Variants in MEIS2 observed in about 807,000 individuals in gnomAD.
The protein encoded by MEIS2 is Meis homeobox 2.
A neutral mutation model predicts 58.6 loss-of-function variants in MEIS2; 9 were observed. The observed-to-expected ratio is 0.15, with a 90% confidence interval of 0.09 to 0.27. The LOEUF (loss-of-function observed/expected upper bound fraction) is 0.27, where lower values mean the gene tolerates loss of function less well. MEIS2 is among the 10% of genes least tolerant of loss of function. MEIS2 has a pLI of 1.00. For missense variants in MEIS2, 427 were observed against 635.0 expected, an observed-to-expected ratio of 0.67 and a Z score of 3.52; for synonymous variants, 221 against 228.4, an observed-to-expected ratio of 0.97 and a Z score of 0.29.
At chr15:37,082,306 G>A (rs1359628215) in intron 7 of MEIS2, among the ~76,000 whole-genome samples, 2 of 152,200 alleles carry the variant, frequency 1.3e-5, no homozygotes, top group Admixed American at 6.5e-5. Flanking sequence ...AGCCTCATTA[G>A]ACCATTAAGT....
At chr15:36,949,902 A>G (rs138122226) in intron 9 of MEIS2, among the ~76,000 whole-genome samples, 1 of 152,152 alleles carries the variant, frequency 6.6e-6, no homozygotes, top group Non-Finnish European at 1.5e-5. Context: ...CTGTATCTAC[A>G]TCACCGCTCA....
intron 8 of MEIS2, among the ~76,000 whole-genome samples, chr15:36,994,300 G>C (rs950355641): frequency 6.6e-6 from 1 of 152,006 alleles, no homozygotes; most frequent in Non-Finnish European, 1.5e-5. Flanking sequence ...AGTTATCAAG[G>C]GTTTTCATAC....
At chr15:36,946,158 A>C (rs2058556473) in intron 9 of MEIS2, among the ~76,000 whole-genome samples, 1 of 151,986 alleles carries the variant, frequency 6.6e-6, no homozygotes, top group African/African-American at 2.4e-5. Flanking sequence ...TAATTGTCAA[A>C]GACTTTCCTC....
rs2055791268 is a variant in MEIS2 at position 36,889,915 on chromosome 15, A to G, written c.*2258T>C. Reference sequence around the variant, plus strand: ...TCTCTATTAAGTTAGTTTGTGTCAGAAGCATTATTTCTATGTTTAAACAGC... The same window carrying G: ...TCTCTATTAAGTTAGTTTGTGTCAGGAGCATTATTTCTATGTTTAAACAGC... On this transcript the variant is annotated 3_prime_UTR_variant, in exon 12 of 12. Transcript: ENST00000561208. The G allele has an allele frequency of 6.6e-6, 1 of 152,224 alleles. No homozygotes were observed. 9.4% of individuals were successfully genotyped at this position (152,224 alleles called of 1,614,324 possible). A position where few individuals can be genotyped will look rare whatever the true frequency, so the allele number is the denominator to read the frequency against.
intron 7 of MEIS2, among the ~76,000 whole-genome samples, chr15:37,083,230 G>A (rs1892462558): frequency 6.6e-6 from 1 of 152,174 alleles, no homozygotes; most frequent in Non-Finnish European, 1.5e-5. Context: ...AAGTCACCAT[G>A]TCAGCTGAAT....
At chr15:37,064,612 A>C (rs1889679067) in intron 7 of MEIS2, among the ~76,000 whole-genome samples, 1 of 152,200 alleles carries the variant, frequency 6.6e-6, no homozygotes, top group Admixed American at 6.5e-5. Context: ...ATAATTGAAT[A>C]ATTGGTCAAC....
At chr15:36,918,368 G>A (rs566752559) in intron 9 of MEIS2, among the ~76,000 whole-genome samples, 1 of 152,192 alleles carries the variant, frequency 6.6e-6, no homozygotes, top group East Asian at 1.9e-4. Flanking sequence ...TGTAAAATGA[G>A]AATAAATTAT....
intron 7 of MEIS2, among the ~76,000 whole-genome samples, chr15:37,055,713 A>T (rs1341769266): frequency 6.6e-6 from 1 of 152,178 alleles, no homozygotes; most frequent in African/African-American, 2.4e-5. Context: ...AAGTACGGAA[A>T]GCTCGGCCCT....
chr15:37,095,342 T>G (rs932349012), intron 4 of MEIS2, among the ~76,000 whole-genome samples: 1 of 152,184 alleles, frequency 6.6e-6, no homozygotes, highest in East Asian at 1.9e-4. Flanking sequence ...GCGCTCGGTC[T>G]CCCGTTTCGG....
chr15:36,928,265 C>T (rs72708685), intron 9 of MEIS2, among the ~76,000 whole-genome samples: 16,301 of 152,108 alleles, frequency 0.11, 1,217 homozygotes, highest in Non-Finnish European at 0.14. Context: ...GAAAAATGTA[C>T]AGGGTTTTTC....
At chr15:36,943,242 G>A (rs931048079) in intron 9 of MEIS2, among the ~76,000 whole-genome samples, 5 of 151,992 alleles carry the variant, frequency 3.3e-5, no homozygotes, top group African/African-American at 1.2e-4. Flanking sequence ...TTGTTTCTGT[G>A]TTACTTTGAG....
intron 9 of MEIS2, among the ~76,000 whole-genome samples, chr15:36,902,476 C>A (rs749827342): frequency 4.6e-5 from 7 of 152,192 alleles, no homozygotes; most frequent in Non-Finnish European, 7.3e-5. Context: ...TTCTCTAGAT[C>A]CTTGCTACTT....
chr15:37,047,426 C>T lies in MEIS2; in HGVS notation c.755-10467G>A, dbSNP rs114583429. Among the ~76,000 whole-genome samples, 4 of 152,236 alleles carry T rather than the reference C, an allele frequency of 2.6e-5. No individual in the cohort carries two copies. In the East Asian group the frequency reaches 5.8e-4, roughly 22 times the overall value. Reference sequence around the variant, plus strand: ...GAATGTGCCAGATACCATCATTTCCCTCCTGTGATACAAAGAACCAGAAAG... The same window carrying T: ...GAATGTGCCAGATACCATCATTTCCTTCCTGTGATACAAAGAACCAGAAAG... On this transcript the variant is annotated intron_variant, in intron 7 of 11. Coordinates refer to ENST00000561208, the MANE Select transcript of MEIS2 (RefSeq NM_170675.5).
chr15:36,923,085 A>T (rs1445318532), intron 9 of MEIS2, among the ~76,000 whole-genome samples: 2 of 152,218 alleles, frequency 1.3e-5, no homozygotes, highest in Admixed American at 6.5e-5. Context: ...CTTAGCAATA[A>T]TATGTCACAA....
At chr15:36,961,438 A>G (rs1184919744) in intron 8 of MEIS2, among the ~76,000 whole-genome samples, 2 of 152,240 alleles carry the variant, frequency 1.3e-5, no homozygotes, top group East Asian at 3.9e-4. Flanking sequence ...AAAATATCAA[A>G]CCACTTGATA....
At chr15:37,065,055 T>C (rs1889732397) in intron 7 of MEIS2, among the ~76,000 whole-genome samples, 2 of 152,192 alleles carry the variant, frequency 1.3e-5, no homozygotes, top group African/African-American at 4.8e-5. Context: ...ACTCATGATG[T>C]AATATTTTTC....
At chr15:36,933,814 G>A (rs1194764) in intron 9 of MEIS2, among the ~76,000 whole-genome samples, 145,714 of 152,274 alleles carry the variant, frequency 0.96, 69,966 homozygotes, top group East Asian at 1. Context: ...GTACAGAAGA[G>A]TAAGTAACTC....
intron 8 of MEIS2, among the ~76,000 whole-genome samples, chr15:37,029,331 C>G (rs2061824074): frequency 6.6e-6 from 1 of 152,194 alleles, no homozygotes; most frequent in African/African-American, 2.4e-5. Flanking sequence ...CCATCTCTTA[C>G]TGTATAACTA....
intron 8 of MEIS2, among the ~76,000 whole-genome samples, chr15:36,990,589 T>C (rs752054885): frequency 3.3e-5 from 5 of 152,166 alleles, no homozygotes; most frequent in Admixed American, 6.5e-5. Context: ...AAAAGAAAGA[T>C]GAAAGAAGGC....
Sources: gnomAD v4.1 joint callset for allele counts (sites outside exome capture counted in the v4.1 genomes callset) on GRCh38, gnomAD v4.1.1 for gene constraint, MANE v1.5 for transcripts, NCBI Gene and HGNC (gene_info 2026-07-23, HGNC 2026-07-21) for gene names.